The following ETV1 variants were observed in gnomAD, a reference collection of about 807,000 sequenced individuals.
The protein encoded by ETV1 is ETS translocation variant 1.
Under a neutral mutation model 62.3 loss-of-function variants are expected in ETV1, and 27 were observed. That is an observed-to-expected ratio of 0.43 (90% CI 0.32 to 0.60). ETV1 has a LOEUF of 0.60. ETV1 is among the 20% of genes least tolerant of loss of function. ETV1 has a pLI of 0.06. For missense variants in ETV1, 605 were observed against 605.8 expected, an observed-to-expected ratio of 1.00 and a Z score of 0.01; for synonymous variants, 222 against 199.6, an observed-to-expected ratio of 1.11 and a Z score of -0.94.
At chr7:13,904,920 T>G (rs1177742689) in intron 12 of ETV1, among the ~76,000 whole-genome samples, 7 of 149,726 alleles carry the variant, frequency 4.7e-5, no homozygotes. Context: ...AAGTTAATTT[T>G]AAACACACTA....
intron 12 of ETV1, chr7:13,906,218 T>G: frequency 2.6e-6 from 1 of 388,912 alleles, no homozygotes; most frequent in Non-Finnish European, 4.5e-6. Flanking sequence ...CCAACATCAA[T>G]TTTGTAGGAT....
At chr7:13,931,936 T>C (rs1050842400) in intron 8 of ETV1, among the ~76,000 whole-genome samples, 187 bp from the exon 9 acceptor site, 2 of 152,124 alleles carry the variant, frequency 1.3e-5, no homozygotes, top group Non-Finnish European at 2.9e-5. Flanking sequence ...ATATGACTTA[T>C]ATTCCCTTTC....
chr7:13,989,327 T>C lies in ETV1; in HGVS notation c.-147A>G, dbSNP rs1056544302. 16 of 502,242 alleles carry C rather than the reference T, an allele frequency of 3.2e-5. No individual in the cohort carries two copies. In the East Asian group the frequency reaches 5.2e-4, roughly 16 times the overall value. 31.1% of individuals were successfully genotyped at this position (502,242 alleles called of 1,614,324 possible). ...TACATATTTTCGGTAGTAGCAAAAA[T>C]CCGAACAAGAGGCGATGTATTTATT... On this transcript the variant is annotated 5_prime_UTR_variant, in exon 2 of 14. Coordinates refer to ENST00000430479, the MANE Select transcript of ETV1 (RefSeq NM_004956.5).
intron 6 of ETV1, among the ~76,000 whole-genome samples, chr7:13,943,534 G>A (rs1267105491): frequency 2.0e-5 from 3 of 152,100 alleles, no homozygotes; most frequent in South Asian, 2.1e-4. Flanking sequence ...CAAGAAAAAA[G>A]GGTGCATATG....
At chr7:13,979,192 G>T (rs1781742380) in intron 5 of ETV1, among the ~76,000 whole-genome samples, 1 of 152,002 alleles carries the variant, frequency 6.6e-6, no homozygotes, top group Non-Finnish European at 1.5e-5. Flanking sequence ...CAGTTTACTA[G>T]TGAAAATACA....
intron 6 of ETV1, among the ~76,000 whole-genome samples, chr7:13,956,063 TAA>T (rs1448823942): frequency 2.0e-5 from 3 of 152,236 alleles, no homozygotes; most frequent in Non-Finnish European, 2.9e-5. Flanking sequence ...CAGTTTATAT[TAA>T]GTCATATTTA....
chr7:13,925,922 A>C (rs1785372918), intron 9 of ETV1, among the ~76,000 whole-genome samples: 1 of 152,048 alleles, frequency 6.6e-6, no homozygotes, highest in Non-Finnish European at 1.5e-5. Flanking sequence ...GCATTGTTAA[A>C]ATATAAAATA....
At chr7:13,959,874 T>C (rs1042888496) in intron 6 of ETV1, among the ~76,000 whole-genome samples, 22 of 130,324 alleles carry the variant, frequency 1.7e-4, no homozygotes, top group African/African-American at 6.2e-4. Context: ...CAGAGTGAGA[T>C]TCTGTCTCAA....
rs1781442915 is a variant in ETV1 at position 13,892,416 on chromosome 7, CAGTGGTAAATAAA to C, written c.*3437_*3449del. ...TATGCAGAATAAGGGGAAAATATCT[CAGTGGTAAATAAA>C]AGCAAACTCTAGTACTTTCAAATCC... is the stretch of plus-strand genomic sequence containing the variant. On this transcript the variant is annotated 3_prime_UTR_variant, in exon 14 of 14. Coordinates refer to ENST00000430479, the MANE Select transcript of ETV1 (RefSeq NM_004956.5). 1 of 232,532 alleles carries C rather than the reference CAGTGGTAAATAAA, an allele frequency of 4.3e-6. No homozygotes were observed. Among genetic ancestry groups the C allele is most frequent in the Admixed American group, 5.6e-5 (1 of 17,750 alleles). The allele number at this position is 232,532 out of a possible 1,614,324, so 14.4% of individuals were successfully genotyped here. A position where few individuals can be genotyped will look rare whatever the true frequency, so the allele number is the denominator to read the frequency against.
intron 6 of ETV1, 61 bp downstream of exon 6, chr7:13,977,366 A>G: frequency 8.5e-7 from 1 of 1,173,096 alleles, no homozygotes; most frequent in South Asian, 1.4e-5. Flanking sequence ...CCAAAGAGAA[A>G]GAAGAAAGAA....
At chr7:13,951,489 C>A (rs540262867) in intron 6 of ETV1, among the ~76,000 whole-genome samples, 1 of 152,116 alleles carries the variant, frequency 6.6e-6, no homozygotes, top group Non-Finnish European at 1.5e-5. Context: ...AGCCACACTA[C>A]GTATAAAGTG....
intron 6 of ETV1, among the ~76,000 whole-genome samples, chr7:13,973,243 AG>A (rs1781080374): frequency 6.6e-6 from 1 of 152,208 alleles, no homozygotes; most frequent in South Asian, 2.1e-4. Context: ...GTAAAAGCTA[AG>A]GCAGAAGCAT....
intron 13 of ETV1, among the ~76,000 whole-genome samples, chr7:13,897,775 A>C (rs898837890): frequency 2.0e-5 from 3 of 152,182 alleles, no homozygotes; most frequent in Non-Finnish European, 2.9e-5. Context: ...TGAGATAGTA[A>C]ATCCTAGTTT....
intron 11 of ETV1, 79 bp downstream of exon 11, chr7:13,909,553 T>C (rs1783352045): frequency 1.0e-6 from 1 of 1,004,122 alleles, no homozygotes; most frequent in Non-Finnish European, 1.6e-6. Flanking sequence ...AGTAGGGATG[T>C]CCACTGTTTT....
intron 8 of ETV1, among the ~76,000 whole-genome samples, chr7:13,935,183 C>A (rs958040276): frequency 1.3e-5 from 2 of 152,210 alleles, no homozygotes; most frequent in Non-Finnish European, 2.9e-5. Flanking sequence ...ATTGTATATT[C>A]GCAGTGTCCA....
chr7:13,904,681 G>C (rs1043086334), intron 12 of ETV1, among the ~76,000 whole-genome samples: 2 of 151,968 alleles, frequency 1.3e-5, no homozygotes, highest in Non-Finnish European at 2.9e-5. Flanking sequence ...CTGTTTAACT[G>C]ATACAAATCC....
chr7:13,919,373 C>T (rs1300934457), intron 9 of ETV1, among the ~76,000 whole-genome samples: 2 of 150,384 alleles, frequency 1.3e-5, no homozygotes, highest in African/African-American at 2.4e-5. Context: ...AATGTACAGA[C>T]CCACATACTA....
In ETV1 at chr7:13,931,580, C is replaced by A. The variant is rs1786169964; in HGVS notation, c.724G>T (p.Val242Phe). ...HDPVYEHNTMVGSAASQSFPP... is the reference protein window; with the variant it reads ...HDPVYEHNTMFGSAASQSFPP... ...AAGCTTTGGCTGGCCGCACTGCCAA[C>A]CATGGTGTTGTGTTCATACACTGGG... The change falls in exon 9 of 14, where the codon GTT (valine) becomes TTT (phenylalanine). Residue 242 changes from valine (V) to phenylalanine (F), a missense_variant. Physicochemically the swap from Val to Phe is conservative, Grantham distance 50. Transcript: ENST00000430479. 1 of 1,614,048 alleles carries A rather than the reference C, an allele frequency of 6.2e-7. No homozygotes were observed. The highest frequency in any genetic ancestry group is 1.7e-5 in the Admixed American group (1 of 60,032).
chr7:13,949,366 C>T (rs1788533765), intron 6 of ETV1, among the ~76,000 whole-genome samples: 1 of 152,104 alleles, frequency 6.6e-6, no homozygotes, highest in Non-Finnish European at 1.5e-5. Context: ...AAATGGATCG[C>T]AATGACCTCA....
Sources: gnomAD v4.1 joint callset for allele counts (sites outside exome capture counted in the v4.1 genomes callset) on GRCh38, gnomAD v4.1.1 for gene constraint, MANE v1.5 for transcripts, NCBI Gene and HGNC (gene_info 2026-07-23, HGNC 2026-07-21) for gene names.